The following GRXCR2 variants were observed in gnomAD, a reference collection of about 807,000 sequenced individuals.
GRXCR2 encodes glutaredoxin domain-containing cysteine-rich protein 2.
Under a neutral mutation model 24.8 loss-of-function variants are expected in GRXCR2, and 23 were observed. That is an observed-to-expected ratio of 0.93 (90% CI 0.67 to 1.32). The LOEUF is 1.32. GRXCR2 is among the 40% of genes most tolerant of loss of function. GRXCR2 has a pLI of 0.00. For missense variants in GRXCR2, 315 were observed against 303.4 expected, an observed-to-expected ratio of 1.04 and a Z score of -0.28; for synonymous variants, 130 against 116.1, an observed-to-expected ratio of 1.12 and a Z score of -0.77.
In GRXCR2 at chr5:145,916,123, G is replaced by T. The variant is rs947199109; in HGVS notation, c.-70+19578C>A. ...AGGCGAGGAGGTGGAGGAAGCGGGG[G>T]GCGCTGCTCAGAGCCCCTGCTTCTG... is the stretch of plus-strand genomic sequence containing the variant. On this transcript the variant is annotated intron_variant, in intron 2 of 3. Coordinates refer to the GRXCR2 transcript ENST00000639411. Among the ~76,000 whole-genome samples, 6 of 152,098 alleles carry T rather than the reference G, an allele frequency of 3.9e-5. No homozygotes were observed. In the East Asian group the frequency reaches 1.2e-3, roughly 29 times the overall value.
At chr5:145,887,858 C>T (rs1756799222) in intron 2 of GRXCR2, among the ~76,000 whole-genome samples, 1 of 152,210 alleles carries the variant, frequency 6.6e-6, no homozygotes, top group African/African-American at 2.4e-5. Flanking sequence ...ATCCCAATCA[C>T]AGGGATCCTA....
chr5:145,927,291 A>C (rs4438926), intron 2 of GRXCR2, among the ~76,000 whole-genome samples: 59,934 of 151,990 alleles, frequency 0.39, 12,429 homozygotes, highest in East Asian at 0.66. Flanking sequence ...GAGAGAGGGC[A>C]TCCCTGTCTT....
At position 145,879,216 on chromosome 5, in the gene GRXCR2, G is replaced by C. The variant is rs1312125957; in HGVS notation, c.-69-12488C>G. 3.9e-5 allele frequency among the ~76,000 whole-genome samples: 6 copies of C among 152,146 alleles called. No individual in the cohort carries two copies. The East Asian group carries it at 9.6e-4, about 24-fold the overall frequency. ...CAATATCAACCTTAAATGTAAATAG[G>C]CTAAATGCTCAAATTAAAAGACACA... On this transcript the variant is annotated intron_variant, in intron 2 of 3. Coordinates refer to the GRXCR2 transcript ENST00000639411.
At chr5:145,882,058 A>G (rs1756710410) in intron 2 of GRXCR2, among the ~76,000 whole-genome samples, 1 of 152,230 alleles carries the variant, frequency 6.6e-6, no homozygotes, top group Non-Finnish European at 1.5e-5. Flanking sequence ...ACTTAAAACC[A>G]TAAAACCCCT....
At chr5:145,917,907 G>A (rs936168765) in intron 2 of GRXCR2, among the ~76,000 whole-genome samples, 1 of 152,184 alleles carries the variant, frequency 6.6e-6, no homozygotes, top group Non-Finnish European at 1.5e-5. Context: ...AGCCTCCCAA[G>A]TAGCTGGGAC....
intron 2 of GRXCR2, among the ~76,000 whole-genome samples, chr5:145,888,944 T>C (rs925702880): frequency 3.3e-5 from 5 of 151,838 alleles, no homozygotes; most frequent in Non-Finnish European, 7.4e-5. Flanking sequence ...GAGGCCGAGG[T>C]GGGCAGGTCA....
At chr5:145,922,332 T>G (rs1757333814) in intron 2 of GRXCR2, among the ~76,000 whole-genome samples, 1 of 152,214 alleles carries the variant, frequency 6.6e-6, no homozygotes, top group African/African-American at 2.4e-5. Context: ...CTTCTGCTCC[T>G]GCTCATCTCT....
intron 2 of GRXCR2, among the ~76,000 whole-genome samples, chr5:145,896,786 A>G (rs921045033): frequency 1.3e-5 from 2 of 152,146 alleles, no homozygotes; most frequent in African/African-American, 4.8e-5. Context: ...ATTACTGGGT[A>G]TATACCCAAA....
chr5:145,927,891 A>C lies in GRXCR2; in HGVS notation c.-70+7810T>G, dbSNP rs1303288300. Among the ~76,000 whole-genome samples, 5 of 152,302 alleles carry C rather than the reference A, an allele frequency of 3.3e-5. No homozygotes were observed. In the East Asian group the frequency reaches 9.7e-4, roughly 29 times the overall value. ...CAAAAGCAATGGCAACAAAAGCCAA[A>C]ATTGACAAATGGGATCTAACTAAAC... On this transcript the variant is annotated intron_variant, in intron 2 of 3. Transcript: ENST00000639411.
At chr5:145,890,401 A>T (rs1756847421) in intron 2 of GRXCR2, among the ~76,000 whole-genome samples, 1 of 152,194 alleles carries the variant, frequency 6.6e-6, no homozygotes, top group Non-Finnish European at 1.5e-5. Flanking sequence ...GAATTTTTTT[A>T]AATGAGCAAA....
At chr5:145,882,667 A>C (rs1366124383) in intron 2 of GRXCR2, among the ~76,000 whole-genome samples, 4 of 152,200 alleles carry the variant, frequency 2.6e-5, no homozygotes, top group Non-Finnish European at 5.9e-5. Context: ...CCATCCCATT[A>C]CTGGGTATAT....
intron 2 of GRXCR2, among the ~76,000 whole-genome samples, chr5:145,892,376 A>C (rs1486422744): frequency 6.6e-6 from 1 of 152,178 alleles, no homozygotes; most frequent in Non-Finnish European, 1.5e-5. Flanking sequence ...AAGAAGTTAA[A>C]GACCTTGAAA....
chr5:145,894,027 A>G (rs1284710672), intron 2 of GRXCR2, among the ~76,000 whole-genome samples: 7 of 152,246 alleles, frequency 4.6e-5, no homozygotes, highest in African/African-American at 1.7e-4. Context: ...CTGCTCCTGA[A>G]TGACCACTGG....
intron 2 of GRXCR2, among the ~76,000 whole-genome samples, chr5:145,907,249 C>A (rs1426188290): frequency 6.6e-6 from 1 of 152,068 alleles, no homozygotes; most frequent in East Asian, 1.9e-4. Flanking sequence ...ATTGCCCTGG[C>A]GGAATGCAGT....
chr5:145,893,704 G>C (rs1205057016), intron 2 of GRXCR2, among the ~76,000 whole-genome samples: 1 of 152,140 alleles, frequency 6.6e-6, no homozygotes, highest in East Asian at 1.9e-4. Context: ...ACACCCCACT[G>C]TCAACATTAG....
At chr5:145,905,951 A>T (rs540734702) in intron 2 of GRXCR2, among the ~76,000 whole-genome samples, 36 of 152,344 alleles carry the variant, frequency 2.4e-4, no homozygotes, top group Admixed American at 2.0e-3. Flanking sequence ...AAACCAGAGG[A>T]ATAGATTGGG....
At chr5:145,928,158 A>C (rs1296976414) in intron 2 of GRXCR2, among the ~76,000 whole-genome samples, 1 of 151,976 alleles carries the variant, frequency 6.6e-6, no homozygotes, top group Admixed American at 6.6e-5. Context: ...AAAAATGCTC[A>C]TCATCACTGG....
chr5:145,894,276 C>T (rs1441171794), intron 2 of GRXCR2, among the ~76,000 whole-genome samples: 1 of 152,102 alleles, frequency 6.6e-6, no homozygotes, highest in African/African-American at 2.4e-5. Flanking sequence ...CAAGAAATAA[C>T]TAAGATCAGA....
intron 2 of GRXCR2, among the ~76,000 whole-genome samples, chr5:145,916,228 C>T (rs545749803): frequency 5.3e-5 from 8 of 152,150 alleles, no homozygotes; most frequent in African/African-American, 1.7e-4. Flanking sequence ...TGTCTGTCAT[C>T]GTGGATGAGC....
Sources: allele counts gnomAD v4.1 joint callset (sites outside exome capture counted in the v4.1 genomes callset), GRCh38; gene constraint gnomAD v4.1.1; transcripts MANE v1.5; gene names NCBI Gene and HGNC (gene_info 2026-07-23, HGNC 2026-07-21).